PRKCZ: variants seen among roughly 807,000 people sequenced by gnomAD.
PRKCZ encodes the protein protein kinase C zeta, also known as protein kinase C zeta type.
PRKCZ carries 33 observed loss-of-function variants against 79.5 expected under a neutral mutation model. That is an observed-to-expected ratio of 0.41 (90% CI 0.31 to 0.55). The LOEUF is 0.55. Ranked by LOEUF, PRKCZ falls within the 20% of genes least tolerant of loss-of-function variation. The probability of loss-of-function intolerance (pLI) is 0.19; values close to 1 mark genes in which losing one functional copy is unlikely to be tolerated. For synonymous variants in PRKCZ, 342 were observed against 320.9 expected, an observed-to-expected ratio of 1.07 and a Z score of -0.70; for missense variants, 578 against 813.5, an observed-to-expected ratio of 0.71 and a Z score of 3.52.
rs1412124017 is a variant in PRKCZ at position 2,149,884 on chromosome 1, C to T, written c.688-906C>T. ...TCAAAAAAAGCAGAATCCGGCTGGGCGCGGTGGCTCACGCCTGTAATCCCA... is the reference window on the plus strand; with the variant it reads ...TCAAAAAAAGCAGAATCCGGCTGGGTGCGGTGGCTCACGCCTGTAATCCCA... On this transcript the variant is annotated intron_variant, in intron 8 of 17. Coordinates refer to ENST00000378567, the MANE Select transcript of PRKCZ (RefSeq NM_002744.6). This position sits in a 1 kb window ranked among gnomAD's most constrained non-coding sequence, Gnocchi z 4.1. Among the ~76,000 whole-genome samples the T allele has an allele frequency of 2.0e-5, 3 of 150,268 alleles. No individual in the cohort carries two copies. The highest frequency in any genetic ancestry group is 6.7e-5 in the Admixed American group (1 of 15,024).
chr1:2,059,123 T>C (rs1337825175), intron 3 of PRKCZ, among the ~76,000 whole-genome samples: 1 of 152,178 alleles, frequency 6.6e-6, no homozygotes, highest in Non-Finnish European at 1.5e-5. Flanking sequence ...AGCACCTATT[T>C]TAATAATTTA....
chr1:2,141,345 C>CT lies in PRKCZ; in HGVS notation c.421-2847dup, dbSNP rs144339432. The CT allele has an allele frequency of 1.2e-3, 149 of 123,570 alleles. 2 individuals carry two copies. The highest frequency in any genetic ancestry group is 4.1e-3 in the Middle Eastern group (1 of 246). The allele number at this position is 123,570 out of a possible 1,614,324, so 7.7% of individuals were successfully genotyped here. ...TGTTTGTTTGTTTGTTTTTCTTTTTCTTTTTTTTTTTTTTTTTTGAGACAC... is the reference window on the plus strand; with the variant it reads ...TGTTTGTTTGTTTGTTTTTCTTTTTCTTTTTTTTTTTTTTTTTTTGAGACAC... On this transcript the variant is annotated intron_variant, in intron 5 of 17. Transcript: ENST00000378567.
chr1:2,164,773 C>T (rs539905292), intron 10 of PRKCZ, among the ~76,000 whole-genome samples: 5 of 152,302 alleles, frequency 3.3e-5, no homozygotes, highest in African/African-American at 1.2e-4. Flanking sequence ...GATCCCTGTG[C>T]GATTGCCGGG....
At chr1:2,130,566 C>T (rs1046121978) in intron 4 of PRKCZ, among the ~76,000 whole-genome samples, 8 of 152,166 alleles carry the variant, frequency 5.3e-5, no homozygotes, top group African/African-American at 1.9e-4. Flanking sequence ...CTGGCTTGTT[C>T]ATAGAGACTT....
Position 2,149,415 on chromosome 1 carries a change from C to G in PRKCZ, c.687+491C>G, listed in dbSNP as rs949466208. On this transcript the variant is annotated intron_variant, in intron 8 of 17. Coordinates refer to ENST00000378567, the MANE Select transcript of PRKCZ (RefSeq NM_002744.6). The surrounding 1 kb of genome is among the most constrained non-coding windows in gnomAD (Gnocchi z 4.1). ...AAACCCTGAGAAGGGAACAGAAGAG[C>G]TTGCTGCGTTCTCAGCCTCTGCTCG... 3.3e-5 allele frequency among the ~76,000 whole-genome samples: 5 copies of G among 152,210 alleles called. No individual in the cohort carries two copies. The highest frequency in any genetic ancestry group is 7.3e-5 in the Non-Finnish European group (5 of 68,036).
Position 2,055,552 on chromosome 1 carries a change from G to A in PRKCZ, c.183G>A (p.Val61=), listed in dbSNP as rs764512334. 6.2e-7 allele frequency: 1 copy of A among 1,613,370 alleles called. No homozygotes were observed. Among genetic ancestry groups the A allele is most frequent in the Non-Finnish European group, 8.5e-7 (1 of 1,179,678 alleles). The change falls in exon 2 of 18, where the codon GTG becomes GTA. Residue 61 remains valine, a synonymous_variant. Coordinates refer to ENST00000378567, the MANE Select transcript of PRKCZ (RefSeq NM_002744.6). ...HQQHPLTLKW[V]DSEGDPCTVS... Reference sequence around the variant, plus strand: ...AGCACCCGCTCACCCTCAAGTGGGTGGACAGCGAAGGTAGCCCTTGTCCCA... The same window carrying A: ...AGCACCCGCTCACCCTCAAGTGGGTAGACAGCGAAGGTAGCCCTTGTCCCA...
intron 16 of PRKCZ, among the ~76,000 whole-genome samples, chr1:2,181,086 C>A (rs1686517612): frequency 6.6e-6 from 1 of 150,444 alleles, no homozygotes; most frequent in African/African-American, 2.5e-5. Flanking sequence ...CTGCTTCTCC[C>A]CACCCCACCC....
At chr1:2,180,711 T>C (rs1269328475) in intron 16 of PRKCZ, among the ~76,000 whole-genome samples, 1 of 152,176 alleles carries the variant, frequency 6.6e-6, no homozygotes, top group Non-Finnish European at 1.5e-5. Context: ...ATGACTGGGA[T>C]GCTCAGATGA....
At chr1:2,109,049 CTT>C (rs1669183606) in intron 4 of PRKCZ, among the ~76,000 whole-genome samples, 2 of 152,328 alleles carry the variant, frequency 1.3e-5, no homozygotes, top group African/African-American at 2.4e-5. Flanking sequence ...CCCCATCCCT[CTT>C]GTGAGGACCC....
At position 2,178,545 on chromosome 1, in the gene PRKCZ, G is replaced by A. The variant is rs531671534; in HGVS notation, c.1575+3232G>A. Among the ~76,000 whole-genome samples, 9 of 151,968 alleles carry A rather than the reference G, an allele frequency of 5.9e-5. No individual in the cohort carries two copies. The highest frequency in any genetic ancestry group is 1.3e-4 in the Non-Finnish European group (9 of 68,038). ...TGCTGCTGTGAGCACCTGTGAACCC[G>A]CTTCTGGGTGGACACGTGTTTATTT... is the stretch of plus-strand genomic sequence containing the variant. On this transcript the variant is annotated intron_variant, in intron 16 of 17. Transcript: ENST00000378567. The surrounding 1 kb of genome is among the most constrained non-coding windows in gnomAD (Gnocchi z 4.3).
intron 10 of PRKCZ, 48 bp downstream of exon 10, chr1:2,156,140 A>C (rs764292438): frequency 9.2e-6 from 14 of 1,519,688 alleles, no homozygotes; most frequent in Non-Finnish European, 1.3e-5. Context: ...TTCAGATGTG[A>C]ACTGCACAGA....
chr1:2,160,861 G>T (rs1682123297), intron 10 of PRKCZ, among the ~76,000 whole-genome samples: 1 of 152,144 alleles, frequency 6.6e-6, no homozygotes, highest in Non-Finnish European at 1.5e-5. Flanking sequence ...CCCCGCCGGG[G>T]GTGATTGTGG....
chr1:2,100,409 C>A (rs1667241864), intron 4 of PRKCZ, among the ~76,000 whole-genome samples: 1 of 152,196 alleles, frequency 6.6e-6, no homozygotes, highest in African/African-American at 2.4e-5. Flanking sequence ...CCTCCAGGCA[C>A]CTCCCTGATC....
chr1:2,049,048 C>A (rs929391118), upstream of PRKCZ, among the ~76,000 whole-genome samples: 9 of 152,138 alleles, frequency 5.9e-5, no homozygotes, highest in Admixed American at 5.9e-4. Context: ...CACCTGTAAT[C>A]CCAGCTACTT....
chr1:2,104,686 A>C (rs1668059752), intron 4 of PRKCZ: 1 of 985,630 alleles, frequency 1.0e-6, no homozygotes. Flanking sequence ...GGAGAGAGGG[A>C]GGCTGGGCCT....
At chr1:2,118,343 T>C (rs1671160973) in intron 4 of PRKCZ, among the ~76,000 whole-genome samples, 1 of 17,092 alleles carries the variant, frequency 5.9e-5, no homozygotes, top group Admixed American at 4.3e-4. Flanking sequence ...AATGTTTTTG[T>C]TTTTTTTTTT....
At chr1:2,167,696 T>G (rs1047039706) in intron 10 of PRKCZ, among the ~76,000 whole-genome samples, 1 of 152,120 alleles carries the variant, frequency 6.6e-6, no homozygotes, top group Non-Finnish European at 1.5e-5. Flanking sequence ...CTGTGCCTCC[T>G]GGGTTCAGGC....
At chr1:2,058,130 G>A (rs2102229745) in intron 3 of PRKCZ, among the ~76,000 whole-genome samples, 2 of 152,262 alleles carry the variant, frequency 1.3e-5, no homozygotes, top group Middle Eastern at 6.8e-3. Flanking sequence ...GCCTCCCAAA[G>A]TGCTGGGATT....
intron 4 of PRKCZ, among the ~76,000 whole-genome samples, chr1:2,117,998 C>CCTTTTTTTTT (rs58233626): frequency 0.1 from 6,561 of 64,044 alleles, 577 homozygotes; most frequent in African/African-American, 0.13. Context: ...CCTATTATTT[C>CCTTTTTTTTT]TTTTTTTTTT....
Sources: allele counts gnomAD v4.1 joint callset (sites outside exome capture counted in the v4.1 genomes callset), GRCh38; gene constraint gnomAD v4.1.1; non-coding constraint Gnocchi (gnomAD v3.1); transcripts MANE v1.5; gene names NCBI Gene and HGNC (gene_info 2026-07-23, HGNC 2026-07-21).